ADAMTS3: variants seen among roughly 807,000 people sequenced by gnomAD.
ADAMTS3 encodes A disintegrin and metalloproteinase with thrombospondin motifs 3.
In ADAMTS3, 73 loss-of-function variants were observed where a neutral mutation model predicts 129.0. That is an observed-to-expected ratio of 0.57 (90% CI 0.47 to 0.69). The LOEUF is 0.69. Among genes scored for constraint, ADAMTS3 ranks in the 30% least tolerant of loss-of-function variants. The pLI, the probability that ADAMTS3 is intolerant of heterozygous loss-of-function variation, is 0.00. For missense variants in ADAMTS3, 1,457 were observed against 1,514.5 expected (o/e 0.96, Z 0.63); for synonymous variants, 477 against 510.8 (o/e 0.93, Z 0.89).
chr4:72,329,571 C>G (rs571985572), intron 5 of ADAMTS3, among the ~76,000 whole-genome samples: 2 of 152,098 alleles, frequency 1.3e-5, no homozygotes, highest in Non-Finnish European at 2.9e-5. Context: ...GTTCTCTTTT[C>G]GCAAATACCT....
intron 4 of ADAMTS3, among the ~76,000 whole-genome samples, chr4:72,347,650 T>G (rs994881555): frequency 3.3e-5 from 5 of 152,080 alleles, no homozygotes; most frequent in African/African-American, 4.8e-5. Context: ...GCTCTAAACA[T>G]TTAATAGCAT....
At chr4:72,363,079 G>C (rs1048012608) in intron 4 of ADAMTS3, among the ~76,000 whole-genome samples, 5 of 152,046 alleles carry the variant, frequency 3.3e-5, no homozygotes, top group East Asian at 3.9e-4. Context: ...GGACATGAAA[G>C]TTATTCTCAT....
At chr4:72,425,940 A>G (rs1308458091) in intron 3 of ADAMTS3, among the ~76,000 whole-genome samples, 1 of 152,052 alleles carries the variant, frequency 6.6e-6, no homozygotes, top group Non-Finnish European at 1.5e-5. Flanking sequence ...ACTAGTTTAC[A>G]GTCCCATCAA....
At chr4:72,476,550 T>C (rs1719238929) in intron 3 of ADAMTS3, among the ~76,000 whole-genome samples, 1 of 152,004 alleles carries the variant, frequency 6.6e-6, no homozygotes, top group African/African-American at 2.4e-5. Flanking sequence ...TGAAGAAGAA[T>C]TAACATCAAC....
intron 4 of ADAMTS3, among the ~76,000 whole-genome samples, chr4:72,354,341 AT>A (rs1323466981): frequency 6.6e-6 from 1 of 151,746 alleles, no homozygotes; most frequent in Non-Finnish European, 1.5e-5. Flanking sequence ...TCAAATCAAG[AT>A]TTTTTCCCTT....
intron 3 of ADAMTS3, among the ~76,000 whole-genome samples, chr4:72,526,781 C>CAGAGAG (rs367563051): frequency 1.1e-5 from 1 of 91,862 alleles, no homozygotes; most frequent in African/African-American, 4.2e-5. Flanking sequence ...TATATATAGA[C>CAGAGAG]AGAGAGAGAG....
intron 2 of ADAMTS3, among the ~76,000 whole-genome samples, chr4:72,558,773 T>C (rs1721830686): frequency 6.6e-6 from 1 of 151,754 alleles, no homozygotes; most frequent in African/African-American, 2.4e-5. Context: ...AACCATGTCA[T>C]ACTCCAGTCA....
chr4:72,353,452 C>T (rs905979471), intron 4 of ADAMTS3, among the ~76,000 whole-genome samples: 23 of 151,952 alleles, frequency 1.5e-4, no homozygotes, highest in Admixed American at 2.0e-4. Flanking sequence ...TGTCTAGTTG[C>T]TAGCTGTGTG....
intron 7 of ADAMTS3, 142 bp downstream of exon 7, chr4:72,320,572 A>G (rs941810692): frequency 1.2e-6 from 1 of 852,656 alleles, no homozygotes; most frequent in African/African-American, 1.7e-5. Flanking sequence ...CACTGTAAGC[A>G]AAAGAAAGAA....
chr4:72,391,116 G>T (rs940471217), intron 4 of ADAMTS3, among the ~76,000 whole-genome samples: 1 of 152,140 alleles, frequency 6.6e-6, no homozygotes, highest in African/African-American at 2.4e-5. Context: ...CTGAAATGGG[G>T]CATTTGGAAT....
intron 3 of ADAMTS3, among the ~76,000 whole-genome samples, chr4:72,516,095 T>A (rs1482038743): frequency 6.6e-6 from 1 of 152,228 alleles, no homozygotes; most frequent in Admixed American, 6.5e-5. Context: ...AAATGGGGAA[T>A]CCTTTCCCCA....
chr4:72,539,369 A>C (rs947849061), intron 3 of ADAMTS3, among the ~76,000 whole-genome samples: 1 of 151,998 alleles, frequency 6.6e-6, no homozygotes, highest in Non-Finnish European at 1.5e-5. Context: ...CTCCAAAGAA[A>C]ATATACAAGT....
At chr4:72,492,200 G>A (rs1038259002) in intron 3 of ADAMTS3, among the ~76,000 whole-genome samples, 2 of 151,026 alleles carry the variant, frequency 1.3e-5, no homozygotes, top group South Asian at 2.1e-4. Flanking sequence ...TTTATCTTTC[G>A]AAAAACAACT....
intron 10 of ADAMTS3, among the ~76,000 whole-genome samples, chr4:72,316,323 T>C (rs1719394369): frequency 6.6e-6 from 1 of 152,174 alleles, no homozygotes; most frequent in Non-Finnish European, 1.5e-5. Context: ...ATATAATGGT[T>C]TGGCAGCTCT....
intron 4 of ADAMTS3, among the ~76,000 whole-genome samples, chr4:72,354,755 A>C (rs2109848300): frequency 6.6e-6 from 1 of 151,982 alleles, no homozygotes; most frequent in African/African-American, 2.4e-5. Flanking sequence ...GGCAATCAAA[A>C]CCCTGAAGTC....
At chr4:72,545,821 C>T (rs1009439333) in intron 3 of ADAMTS3, among the ~76,000 whole-genome samples, 2 of 152,116 alleles carry the variant, frequency 1.3e-5, no homozygotes, top group Admixed American at 6.6e-5. Flanking sequence ...GTCAACATGT[C>T]GAAATCAGCC....
intron 4 of ADAMTS3, among the ~76,000 whole-genome samples, chr4:72,397,148 T>G (rs1167895450): frequency 6.6e-6 from 1 of 152,198 alleles, no homozygotes; most frequent in African/African-American, 2.4e-5. Context: ...TCCACATGAA[T>G]GGAAGACAGA....
At chr4:72,368,580 G>A (rs1560489167) in intron 4 of ADAMTS3, among the ~76,000 whole-genome samples, 1 of 152,102 alleles carries the variant, frequency 6.6e-6, no homozygotes. Context: ...AAGAATACAG[G>A]TATGCTAATA....
At chr4:72,520,368 A>C (rs1029509511) in intron 3 of ADAMTS3, among the ~76,000 whole-genome samples, 4 of 152,170 alleles carry the variant, frequency 2.6e-5, no homozygotes, top group Admixed American at 6.5e-5. Context: ...GCTCTCTTCA[A>C]AGCTGTCAGA....
Sources: allele counts gnomAD v4.1 joint callset (sites outside exome capture counted in the v4.1 genomes callset), GRCh38; gene constraint gnomAD v4.1.1; transcripts MANE v1.5; gene names NCBI Gene and HGNC (gene_info 2026-07-23, HGNC 2026-07-21).